Variants in DNAH2 observed in about 807,000 individuals in gnomAD.
DNAH2 encodes the protein axonemal beta dynein heavy chain 2.
Under a neutral mutation model 523.5 loss-of-function variants are expected in DNAH2, and 323 were observed. The observed-to-expected ratio is 0.62, with a 90% CI of 0.56 to 0.68. The LOEUF (loss-of-function observed/expected upper bound fraction) is 0.68. DNAH2 is among the 30% of genes least tolerant of loss of function. DNAH2 has a pLI of 0.00. For missense variants in DNAH2, 4,907 were observed against 5,701.5 expected (o/e 0.86, Z 4.49); for synonymous variants, 2,093 against 2,177.4 (o/e 0.96, Z 1.08).
chr17:7,773,679 AT>A lies in DNAH2; in HGVS notation c.4502-1077del, dbSNP rs1217320165. Among the ~76,000 whole-genome samples, 6 of 152,090 alleles carry A rather than the reference AT, an allele frequency of 3.9e-5. No individual in the cohort carries two copies. The East Asian group carries it at 1.2e-3, about 29-fold the overall frequency. ...AGGTGTGACAGCAAAACTATCATGA[AT>A]TTCTTTTTCCTTCGTCGCAGTTTCA... On this transcript the variant is annotated intron_variant, in intron 28 of 85. Coordinates refer to ENST00000572933, the MANE Select transcript of DNAH2 (RefSeq NM_020877.5).
intron 75 of DNAH2, 21 bp downstream of exon 75, chr17:7,824,003 G>A: frequency 6.2e-7 from 1 of 1,607,748 alleles, no homozygotes. Context: ...CGGCTTCCTT[G>A]TCCCCACGGC....
intron 30 of DNAH2, among the ~76,000 whole-genome samples, chr17:7,775,804 A>T (rs1296394879): frequency 6.6e-6 from 1 of 152,012 alleles, no homozygotes; most frequent in East Asian, 1.9e-4. Context: ...GCCATTCCTG[A>T]CAATGACCAT....
chr17:7,741,238 CTTTCTTTCTTTCTTTCTT>C (rs2075311200), intron 11 of DNAH2, among the ~76,000 whole-genome samples: 1 of 23,900 alleles, frequency 4.2e-5, no homozygotes, highest in African/African-American at 1.7e-4. Context: ...TTCTCTCTCT[CTTTCTTTCTTTCTTTCTT>C]TCTTTCTTTC....
At chr17:7,787,473 G>A (rs1389626445) in intron 42 of DNAH2, 2 of 250,752 alleles carry the variant, frequency 8.0e-6, no homozygotes, top group Non-Finnish European at 1.5e-5. Context: ...GGTGGCTCAC[G>A]CCTGTAATCC....
At position 7,823,556 on chromosome 17, in the gene DNAH2, T is replaced by C; in HGVS notation, c.11257T>C (p.Ser3753Pro). 6.2e-7 allele frequency: 1 copy of C among 1,614,090 alleles called. No homozygotes were observed. Among genetic ancestry groups the C allele is most frequent in the Non-Finnish European group, 8.5e-7 (1 of 1,180,004 alleles). Residue 3753 changes from serine (S) to proline (P), a missense_variant, in exon 74 of 86, where the codon TCC (serine) becomes CCC (proline). Physicochemically the swap from Ser to Pro is moderately conservative, Grantham distance 74 (BLOSUM62 -1). Coordinates refer to ENST00000572933, the MANE Select transcript of DNAH2 (RefSeq NM_020877.5). ...KLTNFHGLMN[S>P]FEQYPRDWHL... ...GACCAACTTCCACGGACTCATGAAC[T>C]CCTTTGAGCAGTACCCTCGTGACTG...
rs954065849 is a variant in DNAH2, at chr17:7,823,091, C to T, written c.11143-351C>T. Among the ~76,000 whole-genome samples, 5 of 152,082 alleles carry T rather than the reference C, an allele frequency of 3.3e-5. 1 individual carries two copies. Among genetic ancestry groups the T allele is most frequent in the Middle Eastern group, 3.4e-3 (1 of 294 alleles). On this transcript the variant is annotated intron_variant, in intron 73 of 85. Coordinates refer to ENST00000572933, the MANE Select transcript of DNAH2 (RefSeq NM_020877.5). Reference sequence around the variant, plus strand: ...GGATGATCACCTGAGATCAGGAGTTCGAGACCAGCCTGGCCAACATGGTGA... The same window carrying T: ...GGATGATCACCTGAGATCAGGAGTTTGAGACCAGCCTGGCCAACATGGTGA...
rs2075166479 is a variant in DNAH2, at chr17:7,737,161, C to T, written c.1073C>T (p.Ser358Phe). The change falls in exon 8 of 86, where the codon TCT becomes TTT. Residue 358 changes from serine to phenylalanine, a missense_variant. Around this residue, in one of 3 missense-constraint regions of DNAH2, gnomAD observed 2,806 missense variants for 3,190.8 expected, o/e 0.88. Transcript: ENST00000572933. ...GCTTTCATGAAGCCCAAGGACATCTCTAGCAAGCTCCCTAAGCTGATCAGT... is the reference window on the plus strand; with the variant it reads ...GCTTTCATGAAGCCCAAGGACATCTTTAGCAAGCTCCCTAAGCTGATCAGT... Reference protein sequence around the residue: ...ELAFMKPKDISSKLPKLISLI... With the variant: ...ELAFMKPKDIFSKLPKLISLI... The T allele has an allele frequency of 6.2e-7, 1 of 1,614,046 alleles. No homozygotes were observed. The highest frequency in any genetic ancestry group is 8.5e-7 in the Non-Finnish European group (1 of 1,180,044).
At position 7,734,474 on chromosome 17, in the gene DNAH2, C is replaced by T. The variant is rs2151139058; in HGVS notation, c.744C>T (p.Ser248=). The change falls in exon 7 of 86, where the codon TCC becomes TCT. Residue 248 remains serine (S), a synonymous_variant. Transcript: ENST00000572933. ...ATTTTGTACTCTCCCCTGCAGCCTC[C>T]ATGATCCACTGGACCCGGCAGATAA... The part of the protein sequence containing the change: ...DKELVQRLET[S]MIHWTRQIKE... 5 of 1,613,882 alleles carry T rather than the reference C, an allele frequency of 3.1e-6. No individual in the cohort carries two copies. The South Asian group carries it at 5.5e-5, about 18-fold the overall frequency.
At position 7,804,372 on chromosome 17, in the gene DNAH2, A is replaced by G. The variant is rs375568722; in HGVS notation, c.9089A>G (p.Asp3030Gly). The G allele has an allele frequency of 2.5e-6, 4 of 1,614,166 alleles. No individual in the cohort carries two copies. The highest frequency in any genetic ancestry group is 3.4e-6 in the Non-Finnish European group (4 of 1,180,036). Residue 3030 changes from aspartate (D) to glycine (G), a missense_variant, in exon 59 of 86, where the codon GAT becomes GGT. Physicochemically the swap from Asp to Gly is moderately conservative, Grantham distance 94. Transcript: ENST00000572933. ...KVQVMSLELE[D>G]AKKKVAEFQK... ...CAAGTGATGTCGTTGGAGCTGGAGG[A>G]TGCCAAGAAGAAGGTGGCTGAGTTC...
chr17:7,815,875 G>C (rs1293639497), intron 63 of DNAH2, among the ~76,000 whole-genome samples: 1 of 152,198 alleles, frequency 6.6e-6, no homozygotes, highest in Non-Finnish European at 1.5e-5. Context: ...TGACTTGAGA[G>C]GGGTTTCTCT....
In DNAH2 at chr17:7,787,035, T is replaced by C; in HGVS notation, c.6603+2T>C. 2 of 1,613,886 alleles carry C rather than the reference T, an allele frequency of 1.2e-6. No homozygotes were observed. Among genetic ancestry groups the C allele is most frequent in the Non-Finnish European group, 1.7e-6 (2 of 1,179,988 alleles). ...GAGCGCATCGCGATGCCCGAGCAGG[T>C]CAGGGACGCGGCTGACTCCTGGAGG... On this transcript the variant is annotated splice_donor_variant, in intron 42 of 85. Transcript: ENST00000572933. LOFTEE classifies it high-confidence loss of function.
intron 28 of DNAH2, among the ~76,000 whole-genome samples, chr17:7,773,879 G>A (rs896387061): frequency 3.9e-5 from 6 of 152,018 alleles, no homozygotes; most frequent in East Asian, 1.9e-4. Context: ...ACAGGCACCC[G>A]CCACCACGCC....
chr17:7,818,289 C>T, intron 68 of DNAH2, 23 bp from the exon 69 acceptor site: 3 of 1,613,012 alleles, frequency 1.9e-6, no homozygotes, highest in Non-Finnish European at 2.5e-6. Context: ...GAGTCCTTGC[C>T]CCTGACCCTT....
intron 42 of DNAH2, 148 bp downstream of exon 42, chr17:7,787,181 T>G: frequency 9.9e-7 from 1 of 1,011,242 alleles, no homozygotes; most frequent in Non-Finnish European, 1.4e-6. Flanking sequence ...CAGGGAAACC[T>G]GCAGCTGAAG....
rs536515049 is a variant in DNAH2 at position 7,748,798 on chromosome 17, G to A, written c.1904+5656G>A. 2.0e-5 allele frequency among the ~76,000 whole-genome samples: 3 copies of A among 150,524 alleles called. No individual in the cohort carries two copies. In the South Asian group the frequency reaches 6.3e-4, roughly 32 times the overall value. ...GGCCTAAGCTACCTTGCCCAGCCTC[G>A]CCACACAGATTTTTTTTTTTTTTTA... On this transcript the variant is annotated intron_variant, in intron 12 of 85. Coordinates refer to ENST00000572933, the MANE Select transcript of DNAH2 (RefSeq NM_020877.5).
chr17:7,833,546 T>C lies in DNAH2; in HGVS notation c.*13T>C. On this transcript the variant is annotated 3_prime_UTR_variant, in exon 86 of 86. Transcript: ENST00000572933. ...CCTGGACAGCTGAGACCTCCTCCTC[T>C]TCTCCGCTTGAGAGAGAGGGTCAGG... 6.2e-7 allele frequency: 1 copy of C among 1,612,650 alleles called. No individual in the cohort carries two copies. The highest frequency in any genetic ancestry group is 8.5e-7 in the Non-Finnish European group (1 of 1,179,884).
chr17:7,810,314 C>T (rs964123667), intron 63 of DNAH2, among the ~76,000 whole-genome samples: 1 of 152,122 alleles, frequency 6.6e-6, no homozygotes, highest in Non-Finnish European at 1.5e-5. Context: ...ATCCTCCTGC[C>T]TTGGCCTCCC....
intron 4 of DNAH2, among the ~76,000 whole-genome samples, chr17:7,731,200 G>A (rs949535022): frequency 6.6e-6 from 1 of 151,848 alleles, no homozygotes; most frequent in Non-Finnish European, 1.5e-5. Context: ...AAAAAGGTTG[G>A]GGAGTGCTTT....
At chr17:7,830,980 AG>A in intron 79 of DNAH2, 105 bp from the exon 80 acceptor site, 1 of 1,502,612 alleles carries the variant, frequency 6.7e-7, no homozygotes, top group Non-Finnish European at 9.1e-7. Context: ...GATGGGGAGC[AG>A]GGCAGGGAGC....
Sources: allele counts gnomAD v4.1 joint callset (sites outside exome capture counted in the v4.1 genomes callset), GRCh38; gene constraint gnomAD v4.1.1; regional missense constraint gnomAD v4.1.1; transcripts MANE v1.5; gene names NCBI Gene and HGNC (gene_info 2026-07-23, HGNC 2026-07-21).